The following HRH1 variants were observed in gnomAD, a reference collection of about 807,000 sequenced individuals.
HRH1 encodes the protein histamine receptor H1.
In HRH1, 6 loss-of-function variants were observed where a neutral mutation model predicts 10.3. That is an observed-to-expected ratio of 0.58 (90% CI 0.32 to 1.15). HRH1 has a LOEUF of 1.15. Ranked by LOEUF, HRH1 falls within the 50% of genes most tolerant of loss-of-function variation. The pLI, the probability that HRH1 is intolerant of heterozygous loss-of-function variation, is 0.05. For missense variants in HRH1, 514 were observed against 615.3 expected (o/e 0.84, Z 1.74); for synonymous variants, 242 against 236.7 (o/e 1.02, Z -0.21).
chr3:11,211,889 T>C (rs1938337931), intron 1 of HRH1, among the ~76,000 whole-genome samples: 1 of 152,208 alleles, frequency 6.6e-6, no homozygotes, highest in South Asian at 2.1e-4. Flanking sequence ...ACAGGCTGTA[T>C]CAGAATCATT....
intron 1 of HRH1, among the ~76,000 whole-genome samples, chr3:11,180,788 C>T (rs1445862603): frequency 6.6e-6 from 1 of 152,160 alleles, no homozygotes; most frequent in Non-Finnish European, 1.5e-5. Context: ...TGGTACTTTA[C>T]TTGTATTTAT....
intron 1 of HRH1, among the ~76,000 whole-genome samples, chr3:11,244,654 G>GGA (rs1298264903): frequency 2.6e-5 from 4 of 152,254 alleles, no homozygotes; most frequent in African/African-American, 9.6e-5. Context: ...GAGGAAGTTT[G>GGA]GAGTATTTCT....
In HRH1 at chr3:11,239,176, A is replaced by G. The variant is rs190957173; in HGVS notation, c.-35-19827A>G. On this transcript the variant is annotated intron_variant, in intron 1 of 1. Coordinates refer to ENST00000431010, the MANE Select transcript of HRH1 (RefSeq NM_001098212.2). ...CTCCACATCTTCACCAACACTTGTT[A>G]TTGTCCTTCTTTTTAAATTATAGTC... Among the ~76,000 whole-genome samples the G allele has an allele frequency of 1.8e-3, 267 of 152,248 alleles. 6 individuals carry two copies. Among genetic ancestry groups the G allele is most frequent in the Admixed American group, 0.016 (244 of 15,294 alleles).
At chr3:11,237,139 C>A (rs1401603616) in intron 1 of HRH1, among the ~76,000 whole-genome samples, 1 of 152,176 alleles carries the variant, frequency 6.6e-6, no homozygotes, top group African/African-American at 2.4e-5. Flanking sequence ...GGTGTAATCA[C>A]TGTGTCCTTG....
Position 11,234,201 on chromosome 3 carries a change from T to C in HRH1, c.-35-24802T>C, listed in dbSNP as rs990385852. 3 of 1,157,582 alleles carry C rather than the reference T, an allele frequency of 2.6e-6. No homozygotes were observed. In the African/African-American group the frequency reaches 4.6e-5, roughly 18 times the overall value. The allele number at this position is 1,157,582 out of a possible 1,614,324, so 71.7% of individuals were successfully genotyped here. On this transcript the variant is annotated intron_variant, in intron 1 of 1. Coordinates refer to ENST00000431010, the MANE Select transcript of HRH1 (RefSeq NM_001098212.2). ...TCTTGGAAGGTGACAACAAGGTCTT[T>C]TGCAAAAGGTCCACTCCAAAAGGAC...
intron 1 of HRH1, among the ~76,000 whole-genome samples, chr3:11,161,037 G>A (rs1336251109): frequency 6.6e-6 from 1 of 152,086 alleles, no homozygotes; most frequent in South Asian, 2.1e-4. Flanking sequence ...AACACTCAAT[G>A]TCATTCTCCT....
chr3:11,209,265 T>C (rs544840253), intron 1 of HRH1, among the ~76,000 whole-genome samples: 1 of 152,276 alleles, frequency 6.6e-6, no homozygotes, highest in East Asian at 1.9e-4. Context: ...CTAGTTTTTA[T>C]ATTTTTTGTA....
chr3:11,211,242 G>T (rs1938318493), intron 1 of HRH1, among the ~76,000 whole-genome samples: 2 of 152,102 alleles, frequency 1.3e-5, no homozygotes, highest in African/African-American at 4.8e-5. Flanking sequence ...AAAGTGGAGT[G>T]CACCACAGGA....
At chr3:11,184,638 C>G (rs371984991) in intron 1 of HRH1, among the ~76,000 whole-genome samples, 2 of 152,038 alleles carry the variant, frequency 1.3e-5, no homozygotes, top group Non-Finnish European at 2.9e-5. Flanking sequence ...TAATCTTGGC[C>G]GGGCCCGATG....
chr3:11,138,916 C>A (rs1475133377), intron 1 of HRH1, among the ~76,000 whole-genome samples: 1 of 151,836 alleles, frequency 6.6e-6, no homozygotes, highest in Non-Finnish European at 1.5e-5. Flanking sequence ...CTCAAACAAT[C>A]CTCCCACCTC....
chr3:11,234,803 C>A (rs1939133259), intron 1 of HRH1, among the ~76,000 whole-genome samples: 1 of 152,192 alleles, frequency 6.6e-6, no homozygotes, highest in African/African-American at 2.4e-5. Flanking sequence ...ATTATTATTT[C>A]CATTCTAAAT....
chr3:11,165,474 T>C (rs1574983409), intron 1 of HRH1, among the ~76,000 whole-genome samples: 1 of 152,158 alleles, frequency 6.6e-6, no homozygotes, highest in Non-Finnish European at 1.5e-5. Flanking sequence ...GGGGTTTTTT[T>C]CCTCTGTTAC....
intron 1 of HRH1, among the ~76,000 whole-genome samples, chr3:11,246,005 C>CACACAT (rs71626310): frequency 0.64 from 96,955 of 151,020 alleles, 31,358 homozygotes; most frequent in East Asian, 0.71. Flanking sequence ...CACACTTACA[C>CACACAT]ATACACACAT....
At chr3:11,211,826 A>G (rs1938336258) in intron 1 of HRH1, among the ~76,000 whole-genome samples, 1 of 152,238 alleles carries the variant, frequency 6.6e-6, no homozygotes, top group African/African-American at 2.4e-5. Flanking sequence ...GCATAGATGC[A>G]GAAGGCTAGG....
chr3:11,163,907 A>T (rs944774405), intron 1 of HRH1, among the ~76,000 whole-genome samples: 7 of 151,786 alleles, frequency 4.6e-5, no homozygotes, highest in African/African-American at 1.7e-4. Context: ...ACACCCCCAG[A>T]CTCACATCTT....
At chr3:11,217,959 A>G (rs1044310253) in intron 1 of HRH1, among the ~76,000 whole-genome samples, 7 of 152,208 alleles carry the variant, frequency 4.6e-5, no homozygotes, top group African/African-American at 9.6e-5. Context: ...TGTGTTGAAC[A>G]GAACCTCGAG....
intron 1 of HRH1, among the ~76,000 whole-genome samples, chr3:11,164,897 C>T (rs867987438): frequency 6.6e-6 from 1 of 152,140 alleles, no homozygotes; most frequent in African/African-American, 2.4e-5. Context: ...CTTGCCACAC[C>T]CAACAGGGAA....
At chr3:11,219,714 C>CAAAAA (rs58875644) in intron 1 of HRH1, among the ~76,000 whole-genome samples, 10 of 76,666 alleles carry the variant, frequency 1.3e-4, no homozygotes, top group South Asian at 4.1e-4. Context: ...GACTTCATCT[C>CAAAAA]AAAAAAAAAA....
intron 1 of HRH1, among the ~76,000 whole-genome samples, chr3:11,165,701 G>A (rs1288203767): frequency 6.6e-6 from 1 of 152,156 alleles, no homozygotes; most frequent in East Asian, 1.9e-4. Flanking sequence ...TTGGTCACTA[G>A]GAGAAACGTC....
Sources: gnomAD v4.1 joint callset for allele counts (sites outside exome capture counted in the v4.1 genomes callset) on GRCh38, gnomAD v4.1.1 for gene constraint, MANE v1.5 for transcripts, NCBI Gene and HGNC (gene_info 2026-07-23, HGNC 2026-07-21) for gene names.